SCN8A: variants seen among roughly 807,000 people sequenced by gnomAD.
SCN8A encodes the protein sodium voltage-gated channel alpha subunit 8.
In SCN8A, 30 loss-of-function variants were observed where a neutral mutation model predicts 184.1. The observed-to-expected ratio is 0.16, with a 90% CI of 0.12 to 0.22. The LOEUF (loss-of-function observed/expected upper bound fraction) is 0.22. SCN8A is among the 10% of genes least tolerant of loss of function. SCN8A has a pLI of 1.00. For missense variants in SCN8A, 1,057 were observed against 2,498.9 expected (o/e 0.42, Z 12.30); for synonymous variants, 852 against 907.0 (o/e 0.94, Z 1.09).
intron 2 of SCN8A, 50 bp from the exon 3 acceptor site, chr12:51,684,124 G>T: frequency 1.1e-6 from 1 of 884,842 alleles, no homozygotes; most frequent in Non-Finnish European, 1.9e-6. Flanking sequence ...GTTTCATGTG[G>T]TGACTCATAC....
At chr12:51,786,507 C>T in intron 21 of SCN8A, 35 bp from the exon 22 acceptor site, 1 of 1,612,274 alleles carries the variant, frequency 6.2e-7, no homozygotes, top group Non-Finnish European at 8.5e-7. Flanking sequence ...CTCTCATTTC[C>T]ACCCAACACT....
intron 1 of SCN8A, among the ~76,000 whole-genome samples, chr12:51,661,511 A>C (rs971745295): frequency 3.3e-5 from 5 of 152,174 alleles, no homozygotes; most frequent in African/African-American, 1.2e-4. Flanking sequence ...TCTCATTCCC[A>C]ACTTATTTAG....
At chr12:51,620,299 G>A (rs907314442) in intron 1 of SCN8A, among the ~76,000 whole-genome samples, 16 of 152,124 alleles carry the variant, frequency 1.1e-4, no homozygotes, top group Non-Finnish European at 1.8e-4. Context: ...GGGTATGATT[G>A]TATTGGTTTT....
chr12:51,708,625 T>C (rs763763710), intron 11 of SCN8A, among the ~76,000 whole-genome samples: 8 of 152,218 alleles, frequency 5.3e-5, no homozygotes, highest in Non-Finnish European at 8.8e-5. Context: ...GCCAGTCTTA[T>C]TCATTTCAGG....
At chr12:51,637,853 T>C (rs1940352949) in intron 1 of SCN8A, among the ~76,000 whole-genome samples, 1 of 152,156 alleles carries the variant, frequency 6.6e-6, no homozygotes. Flanking sequence ...CAACCTTCTA[T>C]TGGAAGAAGA....
At chr12:51,708,126 C>G (rs1941815061) in intron 11 of SCN8A, among the ~76,000 whole-genome samples, 1 of 152,168 alleles carries the variant, frequency 6.6e-6, no homozygotes, top group Non-Finnish European at 1.5e-5. Context: ...CTTTTCTCCT[C>G]TAAGCATCAG....
At chr12:51,593,433 A>G (rs1198985906) in intron 1 of SCN8A, among the ~76,000 whole-genome samples, 2 of 152,292 alleles carry the variant, frequency 1.3e-5, no homozygotes, top group Admixed American at 1.3e-4. Context: ...GGGTTTTGTC[A>G]ACTTTTATCA....
In SCN8A at chr12:51,611,490, ATTTG is replaced by A. The variant is rs542062936; in HGVS notation, c.-55+20151_-55+20154del. Among the ~76,000 whole-genome samples, 510 of 151,662 alleles carry A rather than the reference ATTTG, an allele frequency of 3.4e-3. 1 individual carries two copies. The highest frequency in any genetic ancestry group is 0.017 in the Middle Eastern group (5 of 292). ...CCTAAGTATTTCTTAAGCTAATATA[ATTTG>A]TTTGTTTGTTTGTTTGTTTTTAGAT... On this transcript the variant is annotated intron_variant, in intron 1 of 26. Coordinates refer to ENST00000627620, the MANE Select transcript of SCN8A (RefSeq NM_001330260.2).
chr12:51,637,204 C>T (rs1466728862), intron 1 of SCN8A, among the ~76,000 whole-genome samples: 4 of 152,130 alleles, frequency 2.6e-5, no homozygotes, highest in East Asian at 1.9e-4. Context: ...CAGCTGTTCC[C>T]CCATCTCTCT....
chr12:51,794,279 A>G lies in SCN8A; in HGVS notation c.4525-92A>G. The G allele has an allele frequency of 7.1e-6, 9 of 1,267,002 alleles. No individual in the cohort carries two copies. In the South Asian group the frequency reaches 1.3e-4, roughly 18 times the overall value. The allele number at this position is 1,267,002 out of a possible 1,614,324, so 78.5% of individuals were successfully genotyped here. ...ACCAGTATTACAGAAAAGGAGGGAG[A>G]GGGTACCTCGATTAGCAGGGTGACA... is the stretch of plus-strand genomic sequence containing the variant. On this transcript the variant is annotated intron_variant, in intron 25 of 26. Transcript: ENST00000627620.
chr12:51,613,570 C>T (rs1389859194), intron 1 of SCN8A, among the ~76,000 whole-genome samples: 1 of 151,594 alleles, frequency 6.6e-6, no homozygotes, highest in Admixed American at 6.6e-5. Context: ...TATTAATTTT[C>T]CTCTATTTTT....
chr12:51,661,687 T>C (rs903279555), intron 1 of SCN8A, among the ~76,000 whole-genome samples: 4 of 152,174 alleles, frequency 2.6e-5, no homozygotes, highest in Middle Eastern at 3.2e-3. Flanking sequence ...AGCAGTACCA[T>C]GAGCACCCAA....
chr12:51,695,878 C>G (rs979234060), intron 6 of SCN8A, among the ~76,000 whole-genome samples: 3 of 152,170 alleles, frequency 2.0e-5, no homozygotes, highest in Admixed American at 2.0e-4. Context: ...GAGAAGGTGA[C>G]CTTGTACAGA....
chr12:51,660,721 T>G (rs1265361540), intron 1 of SCN8A, among the ~76,000 whole-genome samples: 1 of 152,236 alleles, frequency 6.6e-6, no homozygotes, highest in African/African-American at 2.4e-5. Context: ...CTGCCTCATA[T>G]GCTGCTCTGG....
intron 26 of SCN8A, among the ~76,000 whole-genome samples, chr12:51,803,554 T>TAG: frequency 6.6e-6 from 1 of 152,182 alleles, no homozygotes; most frequent in Middle Eastern, 3.4e-3. Context: ...TTAAATGGTG[T>TAG]TTCTACTGCC....
At chr12:51,636,288 G>A (rs1233102140) in intron 1 of SCN8A, among the ~76,000 whole-genome samples, 3 of 152,178 alleles carry the variant, frequency 2.0e-5, no homozygotes, top group Non-Finnish European at 4.4e-5. Context: ...GAACCACAGC[G>A]CCTGGCCGAG....
At chr12:51,645,864 CTT>C (rs1488819803) in intron 1 of SCN8A, among the ~76,000 whole-genome samples, 1 of 149,374 alleles carries the variant, frequency 6.7e-6, no homozygotes, top group South Asian at 2.2e-4. Context: ...CCTTTGTTCA[CTT>C]GTTTATCTGC....
chr12:51,686,910 T>C (rs1483105944), intron 4 of SCN8A, among the ~76,000 whole-genome samples, 181 bp from the exon 5 acceptor site: 1 of 152,216 alleles, frequency 6.6e-6, no homozygotes, highest in Admixed American at 6.5e-5. Flanking sequence ...AGTTTGTGCA[T>C]TTCAGTAAGT....
intron 13 of SCN8A, among the ~76,000 whole-genome samples, chr12:51,749,732 A>G (rs1942568249): frequency 6.6e-6 from 1 of 152,150 alleles, no homozygotes; most frequent in African/African-American, 2.4e-5. Flanking sequence ...CACCTTGTCT[A>G]AAATAAAGCA....
Sources: allele counts gnomAD v4.1 joint callset (sites outside exome capture counted in the v4.1 genomes callset), GRCh38; gene constraint gnomAD v4.1.1; transcripts MANE v1.5; gene names NCBI Gene and HGNC (gene_info 2026-07-23, HGNC 2026-07-21).